Variants in SLC1A2 observed in about 807,000 individuals in gnomAD.
The protein encoded by SLC1A2 is excitatory amino acid transporter 2.
A neutral mutation model predicts 48.8 loss-of-function variants in SLC1A2; 15 were observed. The ratio of observed to expected loss-of-function variants is 0.31; its 90% CI spans 0.21 to 0.47. SLC1A2 has a LOEUF of 0.47. SLC1A2 is among the 20% of genes least tolerant of loss of function. The probability of loss-of-function intolerance (pLI) is 0.99; values close to 1 mark genes in which losing one functional copy is unlikely to be tolerated. For missense variants in SLC1A2, 502 were observed against 730.5 expected, an observed-to-expected ratio of 0.69 and a Z score of 3.61; for synonymous variants, 279 against 272.6, an observed-to-expected ratio of 1.02 and a Z score of -0.23.
intron 1 of SLC1A2, among the ~76,000 whole-genome samples, chr11:35,394,951 T>C (rs1854905353): frequency 6.6e-6 from 1 of 152,200 alleles, no homozygotes; most frequent in Non-Finnish European, 1.5e-5. Context: ...CGGAGATCTG[T>C]ATGCCCTGTG....
intron 8 of SLC1A2, among the ~76,000 whole-genome samples, chr11:35,281,559 C>G (rs550718311): frequency 6.6e-6 from 1 of 152,146 alleles, no homozygotes; most frequent in African/African-American, 2.4e-5. Flanking sequence ...AAGCGTCAGG[C>G]GCCTGGATGC....
chr11:35,273,410 T>C (rs1364567454), intron 9 of SLC1A2, among the ~76,000 whole-genome samples: 1 of 152,230 alleles, frequency 6.6e-6, no homozygotes, highest in Non-Finnish European at 1.5e-5. Flanking sequence ...TAGCCTGTCC[T>C]GCTCAGCTTT....
intron 1 of SLC1A2, among the ~76,000 whole-genome samples, chr11:35,407,068 G>T (rs1590285227): frequency 6.6e-6 from 1 of 150,810 alleles, no homozygotes; most frequent in East Asian, 2.0e-4. Flanking sequence ...ACTTAGAAAG[G>T]ACTTAAAAGG....
At chr11:35,309,367 A>G (rs1371087317) in intron 4 of SLC1A2, among the ~76,000 whole-genome samples, 2 of 152,230 alleles carry the variant, frequency 1.3e-5, no homozygotes, top group African/African-American at 2.4e-5. Flanking sequence ...CCGAGTGAAC[A>G]TACACAGATC....
intron 5 of SLC1A2, among the ~76,000 whole-genome samples, chr11:35,304,976 G>T (rs566581465): frequency 1.3e-5 from 2 of 152,288 alleles, no homozygotes; most frequent in Admixed American, 1.3e-4. Flanking sequence ...AACGTGAAAG[G>T]ACTACTGAGC....
rs78119263 is a variant in SLC1A2, at chr11:35,383,016, A to G, written c.17+35934T>C. ...TTATCAGACATATAGAAAAAAATACATATGCAAAGATGTTCACAACAGTGT... is the reference window on the plus strand; with the variant it reads ...TTATCAGACATATAGAAAAAAATACGTATGCAAAGATGTTCACAACAGTGT... On this transcript the variant is annotated intron_variant, in intron 1 of 10. Transcript: ENST00000278379. 8.6e-4 allele frequency among the ~76,000 whole-genome samples: 131 copies of G among 152,360 alleles called. 3 individuals carry two copies. In the East Asian group the frequency reaches 0.019, roughly 22 times the overall value.
chr11:35,348,952 A>G (rs549422618), intron 1 of SLC1A2, among the ~76,000 whole-genome samples: 13 of 151,586 alleles, frequency 8.6e-5, no homozygotes, highest in African/African-American at 1.9e-4. Flanking sequence ...ACAGGTTCCC[A>G]AAGGAGAAGG....
intron 1 of SLC1A2, among the ~76,000 whole-genome samples, chr11:35,401,815 C>T (rs1009441904): frequency 6.6e-6 from 1 of 152,052 alleles, no homozygotes; most frequent in African/African-American, 2.4e-5. Flanking sequence ...AACCTTAAAG[C>T]GCCATATTGG....
At chr11:35,406,286 C>G (rs1855291032) in intron 1 of SLC1A2, among the ~76,000 whole-genome samples, 1 of 152,022 alleles carries the variant, frequency 6.6e-6, no homozygotes, top group South Asian at 2.1e-4. Flanking sequence ...TCTAGGAGGA[C>G]ATGATGATGA....
intron 1 of SLC1A2, among the ~76,000 whole-genome samples, chr11:35,411,173 A>G (rs1433824375): frequency 1.3e-5 from 2 of 152,238 alleles, no homozygotes; most frequent in Non-Finnish European, 2.9e-5. Flanking sequence ...GATTCAGTCT[A>G]TAATTCCATT....
At chr11:35,386,849 C>A (rs1034297978) in intron 1 of SLC1A2, among the ~76,000 whole-genome samples, 2 of 152,268 alleles carry the variant, frequency 1.3e-5, no homozygotes, top group South Asian at 4.1e-4. Context: ...CTTAAAATTA[C>A]CTTGTCTGAG....
At chr11:35,331,497 G>T (rs971360963) in intron 1 of SLC1A2, among the ~76,000 whole-genome samples, 8 of 152,200 alleles carry the variant, frequency 5.3e-5, no homozygotes, top group Admixed American at 2.0e-4. Context: ...GTGATAAACT[G>T]AGCCATCCAG....
Position 35,265,603 on chromosome 11 carries a change from A to C in SLC1A2, c.1577T>G (p.Met526Arg). ...AGAGTTGCTTTCCCTGTGGTTCTTC[A>C]TGTCATCATAAATGGATTGAGTCTT... ...MTKTQSIYDDMKNHRESNSNQ... is the reference protein window; with the variant it reads ...MTKTQSIYDDRKNHRESNSNQ... The change falls in exon 10 of 11, where the codon ATG becomes AGG. Residue 526 changes from methionine to arginine, a missense_variant. Physicochemically the swap from Met to Arg is moderately conservative, Grantham distance 91. Transcript: ENST00000278379. 6.2e-7 allele frequency: 1 copy of C among 1,612,984 alleles called. No homozygotes were observed. The highest frequency in any genetic ancestry group is 8.5e-7 in the Non-Finnish European group (1 of 1,178,966).
chr11:35,347,689 T>C (rs1025706825), intron 1 of SLC1A2, among the ~76,000 whole-genome samples: 21 of 152,308 alleles, frequency 1.4e-4, no homozygotes, highest in African/African-American at 4.8e-4. Flanking sequence ...TTTACCTCGG[T>C]GCCAGGCCCT....
In SLC1A2 at chr11:35,254,121, T is replaced by C. The variant is rs1265250172; in HGVS notation, c.*6773A>G. 1 of 152,634 alleles carries C rather than the reference T, an allele frequency of 6.6e-6. No individual in the cohort carries two copies. Among genetic ancestry groups the C allele is most frequent in the Non-Finnish European group, 1.5e-5 (1 of 68,044 alleles). 9.5% of individuals were successfully genotyped at this position (152,634 alleles called of 1,614,324 possible). A position where few individuals can be genotyped will look rare whatever the true frequency, so the allele number is the denominator to read the frequency against. On this transcript the variant is annotated 3_prime_UTR_variant, in exon 11 of 11. Transcript: ENST00000278379. ...AGACTCTTACCAGGAAGCCAAAATA[T>C]ATCTGCTGGCAACAAGATCAAGTTA...
At chr11:35,311,934 G>C (rs920085867) in intron 4 of SLC1A2, among the ~76,000 whole-genome samples, 3 of 13,652 alleles carry the variant, frequency 2.2e-4, no homozygotes, top group African/African-American at 4.5e-4. Flanking sequence ...CGGGGGGGGG[G>C]GGTGGGGGAG....
intron 5 of SLC1A2, 34 bp downstream of exon 5, chr11:35,306,040 G>A: frequency 6.2e-7 from 1 of 1,605,120 alleles, no homozygotes; most frequent in East Asian, 2.2e-5. Context: ...GCCATTGCCA[G>A]GGAAGCAGAA....
intron 1 of SLC1A2, among the ~76,000 whole-genome samples, chr11:35,317,769 G>C (rs1441094688): frequency 6.6e-6 from 1 of 152,140 alleles, no homozygotes; most frequent in African/African-American, 2.4e-5. Context: ...TGCCCCCCGT[G>C]GTAACTTGGG....
At chr11:35,415,959 T>C (rs1396685322) in intron 1 of SLC1A2, among the ~76,000 whole-genome samples, 1 of 152,192 alleles carries the variant, frequency 6.6e-6, no homozygotes, top group Non-Finnish European at 1.5e-5. Flanking sequence ...CTTTCCAATT[T>C]GGGTCAGGGA....
Sources: allele counts gnomAD v4.1 joint callset (sites outside exome capture counted in the v4.1 genomes callset), GRCh38; gene constraint gnomAD v4.1.1; transcripts MANE v1.5; gene names NCBI Gene and HGNC (gene_info 2026-07-23, HGNC 2026-07-21).